The following RGS3 variants were observed in gnomAD, a reference collection of about 807,000 sequenced individuals.
The protein encoded by RGS3 is regulator of G-protein signalling 3.
A neutral mutation model predicts 132.6 loss-of-function variants in RGS3; 80 were observed. The observed-to-expected ratio is 0.60, with a 90% CI of 0.50 to 0.73. RGS3 has a LOEUF of 0.73. Among genes scored for constraint, RGS3 ranks in the 30% least tolerant of loss-of-function variants. RGS3 has a pLI of 0.00. For synonymous variants in RGS3, 598 were observed against 620.6 expected, an observed-to-expected ratio of 0.96 and a Z score of 0.54; for missense variants, 1,382 against 1,530.8, an observed-to-expected ratio of 0.90 and a Z score of 1.62.
chr9:113,483,272 G>T (rs1020887328), intron 5 of RGS3, among the ~76,000 whole-genome samples, 155 bp downstream of exon 3: 1 of 152,180 alleles, frequency 6.6e-6, no homozygotes, highest in Admixed American at 6.5e-5. Context: ...TGGGCCCAGT[G>T]CTGGGACAAA....
At chr9:113,456,629 G>A (rs1207663486), upstream of RGS3, among the ~76,000 whole-genome samples, 1 of 150,530 alleles carries the variant, frequency 6.6e-6, no homozygotes, top group African/African-American at 2.4e-5. Context: ...TCATGCAAAC[G>A]CCTCCACCCC....
Position 113,507,554 on chromosome 9 carries a change from G to A in RGS3, c.1353G>A (p.Gln451=), listed in dbSNP as rs1488130212. Residue 451 remains glutamine (Q), a synonymous_variant, in exon 13 of 25, where the codon CAG becomes CAA. Transcript: ENST00000350696. The surrounding 1 kb of genome is among the most constrained non-coding windows in gnomAD (Gnocchi z 5.0). ...CCGAGGTGGCCAAGCGCGGGGGCCA[G>A]CACACCCTGCCTGCACTGTCCCGTG... is the stretch of plus-strand genomic sequence containing the variant. 2 of 1,585,222 alleles carry A rather than the reference G, an allele frequency of 1.3e-6. No homozygotes were observed. The highest frequency in any genetic ancestry group is 1.7e-6 in the Non-Finnish European group (2 of 1,164,982).
chr9:113,501,089 C>A (rs1371492231), intron 10 of RGS3, among the ~76,000 whole-genome samples: 1 of 152,082 alleles, frequency 6.6e-6, no homozygotes, highest in Non-Finnish European at 1.5e-5. Context: ...GAGTGCAAAC[C>A]CCCCCAAGGT....
intron 20 of RGS3, among the ~76,000 whole-genome samples, chr9:113,587,712 G>C (rs1272773118): frequency 1.3e-5 from 2 of 152,198 alleles, no homozygotes; most frequent in African/African-American, 4.8e-5. Flanking sequence ...AATTTCTACT[G>C]TGAGTAGGAA....
intron 14 of RGS3, among the ~76,000 whole-genome samples, chr9:113,512,899 C>G (rs749940469): frequency 2.6e-5 from 4 of 152,174 alleles, no homozygotes; most frequent in Non-Finnish European, 5.9e-5. Flanking sequence ...CGGAATGTAA[C>G]AAAAACCTGT....
intron 17 of RGS3, among the ~76,000 whole-genome samples, chr9:113,523,461 A>G (rs2119413957): frequency 6.6e-6 from 1 of 152,240 alleles, no homozygotes; most frequent in East Asian, 1.9e-4. Context: ...CTAGGTCATA[A>G]ATGCAAAGTG....
rs374705625 is a variant in RGS3, at chr9:113,594,421, T to C, written c.3081-9T>C. The C allele has an allele frequency of 2.5e-5, 40 of 1,613,200 alleles. No homozygotes were observed. The highest frequency in any genetic ancestry group is 4.0e-5 in the African/African-American group (3 of 74,906). Reference sequence around the variant, plus strand: ...GCTGAGCAACCCTCTTTTCTGCTTCTGTCCCCAGAGCCAAGGACATGAAGA... The same window carrying C: ...GCTGAGCAACCCTCTTTTCTGCTTCCGTCCCCAGAGCCAAGGACATGAAGA... On this transcript the variant is annotated splice_polypyrimidine_tract_variant and intron_variant, in intron 21 of 24. Coordinates refer to ENST00000350696, the Ensembl canonical transcript of RGS3.
At chr9:113,467,693 A>G (rs1420191445) in intron 3 of RGS3, among the ~76,000 whole-genome samples, 1 of 151,658 alleles carries the variant, frequency 6.6e-6, no homozygotes, top group Non-Finnish European at 1.5e-5. Context: ...CACTTTCTTG[A>G]TAGTGTTCAT....
intron 7 of RGS3, among the ~76,000 whole-genome samples, chr9:113,495,025 C>A (rs548444074): frequency 6.6e-6 from 1 of 152,242 alleles, no homozygotes; most frequent in South Asian, 2.1e-4. Context: ...TAAGCATGCA[C>A]CACCACGTAG....
At position 113,565,336 on chromosome 9, in the gene RGS3, G is replaced by A; in HGVS notation, c.2038-18114G>A. 2 of 1,289,810 alleles carry A rather than the reference G, an allele frequency of 1.6e-6. No individual in the cohort carries two copies. The highest frequency in any genetic ancestry group is 5.6e-5 in the East Asian group (1 of 18,014). 79.9% of individuals were successfully genotyped at this position (1,289,810 alleles called of 1,614,324 possible). A position where few individuals can be genotyped will look rare whatever the true frequency, so the allele number is the denominator to read the frequency against. Reference sequence around the variant, plus strand: ...AAGAAAGAAATCCAGCCTCTCTCCAGAGTGGCGGTGGCCGGCTAGACAGGG... The same window carrying A: ...AAGAAAGAAATCCAGCCTCTCTCCAAAGTGGCGGTGGCCGGCTAGACAGGG... On this transcript the variant is annotated intron_variant, in intron 19 of 24. Coordinates refer to ENST00000350696, the Ensembl canonical transcript of RGS3. The surrounding 1 kb of genome is among the most constrained non-coding windows in gnomAD (Gnocchi z 5.7).
intron 7 of RGS3, among the ~76,000 whole-genome samples, chr9:113,487,100 C>CTTT (rs60523804): frequency 1.1e-3 from 128 of 116,908 alleles, no homozygotes; most frequent in Non-Finnish European, 1.4e-3. Context: ...TCATTTAATT[C>CTTT]TTTTTTTTTT....
intron 15 of RGS3, among the ~76,000 whole-genome samples, chr9:113,516,758 A>G (rs889238842): frequency 2.0e-5 from 3 of 151,992 alleles, no homozygotes; most frequent in African/African-American, 7.2e-5. Context: ...GTGCAGTGGT[A>G]TGATCACAGC....
chr9:113,560,799 A>G (rs527600936), intron 19 of RGS3, among the ~76,000 whole-genome samples: 16 of 152,322 alleles, frequency 1.1e-4, no homozygotes, highest in African/African-American at 3.6e-4. Context: ...AGACACTTCC[A>G]TAGAGTTTCA....
At chr9:113,511,671 A>G (rs1831409981) in intron 14 of RGS3, among the ~76,000 whole-genome samples, 1 of 152,172 alleles carries the variant, frequency 6.6e-6, no homozygotes, top group Non-Finnish European at 1.5e-5. Flanking sequence ...ATTCTGTGAC[A>G]GCCCTGGGCC....
intron 14 of RGS3, among the ~76,000 whole-genome samples, chr9:113,510,249 G>A (rs565840788): frequency 5.3e-5 from 8 of 152,212 alleles, no homozygotes; most frequent in South Asian, 2.1e-4. Context: ...CATCCAGGTC[G>A]CTGCAAATGC....
intron 17 of RGS3, 115 bp downstream of exon 15, chr9:113,523,156 T>C (rs1462656022): frequency 1.0e-5 from 7 of 702,874 alleles, no homozygotes; most frequent in Non-Finnish European, 1.8e-5. Context: ...GAGTGTGTGC[T>C]GCTGGGCTCT....
chr9:113,529,724 A>AC (rs1832385697), intron 18 of RGS3, among the ~76,000 whole-genome samples: 1 of 152,168 alleles, frequency 6.6e-6, no homozygotes, highest in African/African-American at 2.4e-5. Flanking sequence ...AGGTATTTGT[A>AC]CCTTTACCTG....
chr9:113,570,796 C>T (rs1454130830), intron 19 of RGS3, among the ~76,000 whole-genome samples: 1 of 152,088 alleles, frequency 6.6e-6, no homozygotes, highest in Non-Finnish European at 1.5e-5. Flanking sequence ...GCCACCATGC[C>T]CGGCTAATTT....
intron 20 of RGS3, among the ~76,000 whole-genome samples, chr9:113,590,557 T>TATCC (rs746005388): frequency 0.052 from 7,661 of 148,554 alleles, 263 homozygotes; most frequent in East Asian, 0.13. Context: ...CCTATCCACA[T>TATCC]ATCCATCCAT....
Sources: allele counts gnomAD v4.1 joint callset (sites outside exome capture counted in the v4.1 genomes callset), GRCh38; gene constraint gnomAD v4.1.1; non-coding constraint Gnocchi (gnomAD v3.1); transcripts MANE v1.5; gene names NCBI Gene and HGNC (gene_info 2026-07-23, HGNC 2026-07-21).